Variants in DLG5 observed in about 807,000 individuals in gnomAD.
The protein encoded by DLG5 is disks large homolog 5.
Under a neutral mutation model 189.8 loss-of-function variants are expected in DLG5, and 48 were observed. The observed-to-expected ratio is 0.25, with a 90% CI of 0.20 to 0.32. The LOEUF (loss-of-function observed/expected upper bound fraction) is 0.32, where lower values mean the gene tolerates loss of function less well. Among genes scored for constraint, DLG5 ranks in the 10% least tolerant of loss-of-function variants. The probability of loss-of-function intolerance (pLI) is 1.00; values close to 1 mark genes in which losing one functional copy is unlikely to be tolerated. For synonymous variants in DLG5, 1,016 were observed against 1,054.1 expected (o/e 0.96, Z 0.70); for missense variants, 2,160 against 2,544.7 (o/e 0.85, Z 3.25).
chr10:77,914,794 C>A (rs939978665), intron 1 of DLG5, among the ~76,000 whole-genome samples: 1 of 152,216 alleles, frequency 6.6e-6, no homozygotes, highest in African/African-American at 2.4e-5. Flanking sequence ...CGCCAAACCA[C>A]CAGGATGGCT....
At chr10:77,810,679 G>A (rs1057084044) in intron 23 of DLG5, among the ~76,000 whole-genome samples, 3 of 152,194 alleles carry the variant, frequency 2.0e-5, no homozygotes, top group Non-Finnish European at 4.4e-5. Context: ...CTCTGCGGCG[G>A]CCGGCAGTGC....
At chr10:77,893,862 T>C (rs1295780400) in intron 1 of DLG5, among the ~76,000 whole-genome samples, 2 of 152,198 alleles carry the variant, frequency 1.3e-5, no homozygotes, top group African/African-American at 4.8e-5. Flanking sequence ...TCCCTGGGCC[T>C]GAACCCTTCC....
Position 77,891,557 on chromosome 10 carries a change from C to A in DLG5, c.305-22360G>T, listed in dbSNP as rs973456677. Reference sequence around the variant, plus strand: ...CATTATTCATAGGCTGGTGAGCTCACCTCTGTCCCCCAACAGACACACACA... The same window carrying A: ...CATTATTCATAGGCTGGTGAGCTCAACTCTGTCCCCCAACAGACACACACA... On this transcript the variant is annotated intron_variant, in intron 1 of 31. Coordinates refer to ENST00000372391, the MANE Select transcript of DLG5 (RefSeq NM_004747.4). Among the ~76,000 whole-genome samples the A allele has an allele frequency of 3.9e-4, 57 of 145,204 alleles. 1 individual carries two copies. Among genetic ancestry groups the A allele is most frequent in the African/African-American group, 1.4e-3 (54 of 38,182 alleles).
At chr10:77,856,516 G>T (rs551080398) in intron 3 of DLG5, among the ~76,000 whole-genome samples, 16 of 152,116 alleles carry the variant, frequency 1.1e-4, no homozygotes, top group African/African-American at 3.9e-4. Context: ...ACTATCAGGG[G>T]CCTTGCCACA....
At chr10:77,879,971 A>G (rs1845225746) in intron 1 of DLG5, among the ~76,000 whole-genome samples, 1 of 152,118 alleles carries the variant, frequency 6.6e-6, no homozygotes. Context: ...AATTGTCAGC[A>G]TATGCTTAGT....
chr10:77,920,536 G>C lies in DLG5; in HGVS notation c.304+5681C>G, dbSNP rs140490916. 6.4e-3 allele frequency among the ~76,000 whole-genome samples: 969 copies of C among 152,298 alleles called. 8 individuals carry two copies. The highest frequency in any genetic ancestry group is 0.01 in the Non-Finnish European group (703 of 68,038). On this transcript the variant is annotated intron_variant, in intron 1 of 31. Coordinates refer to ENST00000372391, the MANE Select transcript of DLG5 (RefSeq NM_004747.4). ...CTAAAAACCCACATAGTGTTGGAAT[G>C]GGCTGCCAATCACAGTAGCCCATCA...
intron 27 of DLG5, among the ~76,000 whole-genome samples, chr10:77,800,388 C>T (rs1603641092): frequency 6.6e-6 from 1 of 152,212 alleles, no homozygotes; most frequent in African/African-American, 2.4e-5. Flanking sequence ...TGACATTCTG[C>T]AGGCCTTTCC....
At chr10:77,853,711 T>C (rs892862650) in intron 4 of DLG5, among the ~76,000 whole-genome samples, 174 bp from the exon 5 acceptor site, 1 of 152,094 alleles carries the variant, frequency 6.6e-6, no homozygotes, top group African/African-American at 2.4e-5. Context: ...AACAGCCCAA[T>C]TCCAGAAACA....
chr10:77,939,110 G>C, the DLG5 span, among the ~76,000 whole-genome samples: 1 of 152,198 alleles, frequency 6.6e-6, no homozygotes, highest in South Asian at 2.1e-4. Flanking sequence ...AACCCGGGAG[G>C]CAGAGGTTGC....
intron 13 of DLG5, 33 bp downstream of exon 13, chr10:77,828,849 G>C: frequency 1.2e-6 from 2 of 1,600,548 alleles, no homozygotes; most frequent in Non-Finnish European, 1.7e-6. Context: ...CCTATGCACG[G>C]CAGATGACCC....
At chr10:77,844,701 A>C (rs2154576403) in intron 5 of DLG5, among the ~76,000 whole-genome samples, 1 of 152,390 alleles carries the variant, frequency 6.6e-6, no homozygotes. Flanking sequence ...CTTCAGAGCA[A>C]GGTAAGAACT....
chr10:77,792,623 C>T (rs1555540948), intron 31 of DLG5, 80 bp from the exon 32 acceptor site: 15 of 1,303,786 alleles, frequency 1.2e-5, no homozygotes, highest in Non-Finnish European at 1.7e-5. Flanking sequence ...AGCTTGCACT[C>T]TTTCTACTGT....
intron 18 of DLG5, 82 bp from the exon 19 acceptor site, chr10:77,817,178 A>G: frequency 7.8e-7 from 1 of 1,280,576 alleles, no homozygotes; most frequent in Non-Finnish European, 1.1e-6. Flanking sequence ...GCTACCAGTC[A>G]GGATAATAAA....
chr10:77,862,941 G>A (rs1844529149), intron 2 of DLG5, among the ~76,000 whole-genome samples: 1 of 152,200 alleles, frequency 6.6e-6, no homozygotes, highest in Admixed American at 6.5e-5. Context: ...TTGCAAAAGT[G>A]CAGAGGGAAT....
intron 5 of DLG5, among the ~76,000 whole-genome samples, chr10:77,852,680 G>T (rs952080262): frequency 3.3e-5 from 5 of 152,106 alleles, no homozygotes; most frequent in African/African-American, 1.2e-4. Context: ...CAAAGTGCTG[G>T]GATTACAGGC....
At position 77,922,705 on chromosome 10, in the gene DLG5, C is replaced by CAGA. The variant is rs1316043967; in HGVS notation, c.304+3511_304+3512insTCT. Among the ~76,000 whole-genome samples, 7 of 152,164 alleles carry CAGA rather than the reference C, an allele frequency of 4.6e-5. No homozygotes were observed. The South Asian group carries it at 1.0e-3, about 23-fold the overall frequency. On this transcript the variant is annotated intron_variant, in intron 1 of 31. Coordinates refer to ENST00000372391, the MANE Select transcript of DLG5 (RefSeq NM_004747.4). ...TGGAACCAAAGATCATAAGACACCA[C>CAGA]TCATCTCCCTGGGGCTGCCACAGAG...
At chr10:77,900,924 G>C (rs1284266406) in intron 1 of DLG5, among the ~76,000 whole-genome samples, 2 of 149,008 alleles carry the variant, frequency 1.3e-5, no homozygotes, top group African/African-American at 5.0e-5. Flanking sequence ...GACAGAGCGA[G>C]ACTCCGTCTC....
Position 77,790,794 on chromosome 10 carries a change from C to T in DLG5, c.*1646G>A, listed in dbSNP as rs1389709788. On this transcript the variant is annotated 3_prime_UTR_variant, in exon 32 of 32. Coordinates refer to ENST00000372391, the MANE Select transcript of DLG5 (RefSeq NM_004747.4). ...ACTCACATCTTCAAACACAGCCTTA[C>T]AGAAATTGACCTTTATTTGTTGTAC... is the stretch of plus-strand genomic sequence containing the variant. 6.6e-6 allele frequency: 1 copy of T among 152,224 alleles called. No homozygotes were observed. Among genetic ancestry groups the T allele is most frequent in the Non-Finnish European group, 1.5e-5 (1 of 68,034 alleles). 9.4% of individuals were successfully genotyped at this position (152,224 alleles called of 1,614,324 possible). A position where few individuals can be genotyped will look rare whatever the true frequency, so the allele number is the denominator to read the frequency against.
At chr10:77,936,449 A>C in the DLG5 span, among the ~76,000 whole-genome samples, 1 of 60,066 alleles carries the variant, frequency 1.7e-5, no homozygotes, top group Non-Finnish European at 3.4e-5. Context: ...AACAAAACAA[A>C]AAAAAAAAAA....
Sources: gnomAD v4.1 joint callset for allele counts (sites outside exome capture counted in the v4.1 genomes callset) on GRCh38, gnomAD v4.1.1 for gene constraint, MANE v1.5 for transcripts, NCBI Gene and HGNC (gene_info 2026-07-23, HGNC 2026-07-21) for gene names.